ZNF517: variants seen among roughly 807,000 people sequenced by gnomAD.
ZNF517 encodes zinc finger protein 517.
A neutral mutation model predicts 12.1 loss-of-function variants in ZNF517; 12 were observed. The observed-to-expected ratio is 0.99, with a 90% CI of 0.63 to 1.61. The LOEUF is 1.61. Ranked by LOEUF, ZNF517 falls within the 40% of genes most tolerant of loss-of-function variation. The probability of loss-of-function intolerance (pLI) is 0.00; values close to 1 mark genes in which losing one functional copy is unlikely to be tolerated. For synonymous variants in ZNF517, 388 were observed against 310.2 expected, an observed-to-expected ratio of 1.25 and a Z score of -2.63; for missense variants, 781 against 693.2, an observed-to-expected ratio of 1.13 and a Z score of -1.42.
intron 1 of ZNF517, among the ~76,000 whole-genome samples, chr8:144,802,240 T>A (rs1055337229): frequency 6.6e-6 from 1 of 152,204 alleles, no homozygotes; most frequent in Non-Finnish European, 1.5e-5. Context: ...TAATGAGCAA[T>A]GTTGCCCAGG....
chr8:144,805,855 T>C (rs1412920454), intron 4 of ZNF517, among the ~76,000 whole-genome samples: 3 of 151,286 alleles, frequency 2.0e-5, no homozygotes, highest in Non-Finnish European at 2.9e-5. Flanking sequence ...CTCCTGACCT[T>C]GTGATCCGCC....
At position 144,809,095 on chromosome 8, in the gene ZNF517, A is replaced by G. The variant is rs1335211033; in HGVS notation, c.*700A>G. ...TGGGAAGTCAAGGCTGCAGTGAGCT[A>G]TGATAGCACCACGGCACTCCAACCT... On this transcript the variant is annotated 3_prime_UTR_variant, in exon 5 of 5. Transcript: ENST00000359971. 6.6e-6 allele frequency: 1 copy of G among 152,218 alleles called. No individual in the cohort carries two copies. Among genetic ancestry groups the G allele is most frequent in the Non-Finnish European group, 1.5e-5 (1 of 68,152 alleles). The allele number at this position is 152,218 out of a possible 1,614,324, so 9.4% of individuals were successfully genotyped here. A position where few individuals can be genotyped will look rare whatever the true frequency, so the allele number is the denominator to read the frequency against.
intron 4 of ZNF517, among the ~76,000 whole-genome samples, chr8:144,804,650 G>A (rs1031909412): frequency 3.3e-5 from 5 of 152,140 alleles, no homozygotes; most frequent in African/African-American, 9.7e-5. Context: ...CATGGAGACT[G>A]GTAGTGGTCC....
rs1276732026 is a variant in ZNF517, at chr8:144,807,849, C to A, written c.933C>A (p.His311Gln). The A allele has an allele frequency of 1.3e-5, 21 of 1,593,368 alleles. No homozygotes were observed. The highest frequency in any genetic ancestry group is 1.8e-5 in the Non-Finnish European group (21 of 1,170,342). ...RFTLNEHGRI[H>Q]SGERPYRCLR... The stretch of plus-strand genomic sequence containing the variant: ...CCCTCAACGAGCACGGCCGCATCCA[C>A]AGCGGGGAGCGGCCCTACCGGTGCC... The change falls in exon 5 of 5, where the codon CAC becomes CAA. Residue 311 changes from histidine to glutamine, a missense_variant. Physicochemically the swap from His to Gln is conservative, Grantham distance 24. Coordinates refer to ENST00000359971, the MANE Select transcript of ZNF517 (RefSeq NM_213605.3).
At chr8:144,804,545 C>T (rs979522634) in intron 4 of ZNF517, among the ~76,000 whole-genome samples, 4 of 152,004 alleles carry the variant, frequency 2.6e-5, no homozygotes, top group Non-Finnish European at 5.9e-5. Flanking sequence ...GGTTTTTCTC[C>T]TCATGTGCAG....
Position 144,807,773 on chromosome 8 carries a change from A to G in ZNF517, c.857A>G (p.Glu286Gly), listed in dbSNP as rs772089557. 1 of 1,611,684 alleles carries G rather than the reference A, an allele frequency of 6.2e-7. No individual in the cohort carries two copies. Among genetic ancestry groups the G allele is most frequent in the South Asian group, 1.1e-5 (1 of 91,022 alleles). The change falls in exon 5 of 5, where the codon GAG becomes GGG. Residue 286 changes from glutamate to glycine, a missense_variant. Physicochemically the swap from Glu to Gly is moderately conservative, Grantham distance 98. Transcript: ENST00000359971. ...CAGCACCAGAAGTTCCACACCGGGG[A>G]GAAGCCCTTCGCGTGCACAGAGTGC... is the stretch of plus-strand genomic sequence containing the variant. ...LLQHQKFHTG[E>G]KPFACTECGK...
chr8:144,808,026 C>T lies in ZNF517; in HGVS notation c.1110C>T (p.Cys370=), dbSNP rs1410289389. 1 of 1,592,172 alleles carries T rather than the reference C, an allele frequency of 6.3e-7. No homozygotes were observed. Among genetic ancestry groups the T allele is most frequent in the Non-Finnish European group, 8.5e-7 (1 of 1,169,628 alleles). The change falls in exon 5 of 5, where the codon TGC becomes TGT. Residue 370 remains cysteine (C), a synonymous_variant. Transcript: ENST00000359971. Reference sequence around the variant, plus strand: ...AGGCGGGGGACCCGCCCCACGAGTGCCCGGTGTGCGGGAGGCCGTTCCGAC... The same window carrying T: ...AGGCGGGGGACCCGCCCCACGAGTGTCCGGTGTGCGGGAGGCCGTTCCGAC... ...RPQAGDPPHE[C]PVCGRPFRHN... is the part of the protein sequence containing the mutation.
chr8:144,804,237 A>C lies in ZNF517; in HGVS notation c.273A>C (p.Thr91=). Residue 91 remains threonine, a splice_region_variant and synonymous_variant, in exon 4 of 5, where the codon ACA becomes ACC. Coordinates refer to ENST00000359971, the MANE Select transcript of ZNF517 (RefSeq NM_213605.3). ...EQSVAKASLC[T]DSRMEAGIME... ...GCGTGGCCAAAGCCAGCCTGTGCACAGGTGAGTACAAAGCACCCACAGGGC... is the reference window on the plus strand; with the variant it reads ...GCGTGGCCAAAGCCAGCCTGTGCACCGGTGAGTACAAAGCACCCACAGGGC... The C allele has an allele frequency of 6.2e-7, 1 of 1,612,676 alleles. No individual in the cohort carries two copies. The highest frequency in any genetic ancestry group is 8.5e-7 in the Non-Finnish European group (1 of 1,179,354).
intron 2 of ZNF517, 183 bp from the exon 3 acceptor site, chr8:144,803,458 G>C: frequency 1.4e-6 from 1 of 706,810 alleles, no homozygotes; most frequent in Non-Finnish European, 2.3e-6. Context: ...CCTCTCTGGG[G>C]CTTCTGCTGA....
downstream of ZNF517, among the ~76,000 whole-genome samples, chr8:144,813,414 C>T (rs375367237): frequency 1.3e-5 from 2 of 150,632 alleles, no homozygotes; most frequent in East Asian, 3.9e-4. Context: ...ACACACAAAA[C>T]GGAAAGTCAT....
At position 144,800,713 on chromosome 8, in the gene ZNF517, G is replaced by T. The variant is rs1019603939; in HGVS notation, c.-46+1776G>T. ...TGCAGTCTGTGCCCTCTGTGCAGGG[G>T]TGATTCACGAATCTGTCTGATCCAC... On this transcript the variant is annotated intron_variant, in intron 1 of 4. Transcript: ENST00000359971. 6 of 984,724 alleles carry T rather than the reference G, an allele frequency of 6.1e-6. No individual in the cohort carries two copies. In the South Asian group the frequency reaches 1.4e-4, roughly 23 times the overall value. 61.0% of individuals were successfully genotyped at this position (984,724 alleles called of 1,614,324 possible).
chr8:144,799,675 T>C (rs962386252), intron 1 of ZNF517, among the ~76,000 whole-genome samples: 3 of 152,204 alleles, frequency 2.0e-5, no homozygotes, highest in Non-Finnish European at 4.4e-5. Flanking sequence ...GCGCAATGGC[T>C]CACGCCTGTA....
chr8:144,810,472 C>T (rs975340493), downstream of ZNF517: 4 of 405,174 alleles, frequency 9.9e-6, no homozygotes, highest in Non-Finnish European at 1.8e-5. Flanking sequence ...CTCCAGAGAA[C>T]AAGAATCCTG....
chr8:144,804,294 C>G (rs969692798), intron 4 of ZNF517, 56 bp downstream of exon 4: 2 of 1,406,940 alleles, frequency 1.4e-6, no homozygotes, highest in East Asian at 2.4e-5. Flanking sequence ...GCCTGGCCTC[C>G]GGGCAGCTCT....
chr8:144,803,670 G>A lies in ZNF517; in HGVS notation c.63G>A (p.Val21=). The part of the protein sequence containing the change: ...QEAVVFEDVA[V]YFTRIEWSCL... ...CGGTTGTGTTCGAGGATGTGGCTGT[G>A]TACTTCACAAGGATAGAGTGGAGTT... is the stretch of plus-strand genomic sequence containing the variant. The change falls in exon 3 of 5, where the codon GTG becomes GTA. Residue 21 remains valine (V), a synonymous_variant. Coordinates refer to ENST00000359971, the MANE Select transcript of ZNF517 (RefSeq NM_213605.3). 4 of 1,614,178 alleles carry A rather than the reference G, an allele frequency of 2.5e-6. No homozygotes were observed. Among genetic ancestry groups the A allele is most frequent in the East Asian group, 4.5e-5 (2 of 44,884 alleles).
chr8:144,808,953 G>A lies in ZNF517; in HGVS notation c.*558G>A, dbSNP rs913791498. The A allele has an allele frequency of 5.9e-5, 9 of 152,184 alleles. No individual in the cohort carries two copies. The highest frequency in any genetic ancestry group is 2.2e-4 in the African/African-American group (9 of 41,410). The allele number at this position is 152,184 out of a possible 1,614,324, so 9.4% of individuals were successfully genotyped here. A position where few individuals can be genotyped will look rare whatever the true frequency, so the allele number is the denominator to read the frequency against. Reference sequence around the variant, plus strand: ...GCCCAGGAGTTTGAGACCAGCTTGGGCAACATGGTGAAACTTCTCTACAAA... The same window carrying A: ...GCCCAGGAGTTTGAGACCAGCTTGGACAACATGGTGAAACTTCTCTACAAA... On this transcript the variant is annotated 3_prime_UTR_variant, in exon 5 of 5. Coordinates refer to ENST00000359971, the MANE Select transcript of ZNF517 (RefSeq NM_213605.3).
chr8:144,809,910 G>T lies in ZNF517; in HGVS notation c.*1515G>T. The T allele has an allele frequency of 5.2e-6, 2 of 381,116 alleles. No individual in the cohort carries two copies. Among genetic ancestry groups the T allele is most frequent in the Non-Finnish European group, 9.4e-6 (2 of 212,198 alleles). 23.6% of individuals were successfully genotyped at this position (381,116 alleles called of 1,614,324 possible). On this transcript the variant is annotated 3_prime_UTR_variant, in exon 5 of 5. Coordinates refer to ENST00000359971, the MANE Select transcript of ZNF517 (RefSeq NM_213605.3). ...TCTACTAAAAGTACAAAAAGTAGCT[G>T]GGTGTGGTGCTGGGTGCCTGTAATC...
rs760404073 is a variant in ZNF517 at position 144,802,839 on chromosome 8, T to C, written c.-45-31T>C. ...GGGCTGGAGGGCCTTAGGCCTGGGC[T>C]CTTTCCACTCATGGCTCTATGTTCC... On this transcript the variant is annotated intron_variant, in intron 1 of 4. Transcript: ENST00000359971. 3.5e-5 allele frequency: 56 copies of C among 1,611,856 alleles called. No homozygotes were observed. In the South Asian group the frequency reaches 5.9e-4, roughly 17 times the overall value.
Position 144,804,093 on chromosome 8 carries a change from T to C in ZNF517, c.161-32T>C, listed in dbSNP as rs370673223. On this transcript the variant is annotated intron_variant, in intron 3 of 4. Coordinates refer to ENST00000359971, the MANE Select transcript of ZNF517 (RefSeq NM_213605.3). The stretch of plus-strand genomic sequence containing the variant: ...TGGGCGTCCCTTCTCCCTCCTGTAC[T>C]GATACGTGCTGCTTTCCTTCTCTGA... 845 of 1,605,338 alleles carry C rather than the reference T, an allele frequency of 5.3e-4. 1 individual carries two copies. The highest frequency in any genetic ancestry group is 6.8e-4 in the Non-Finnish European group (792 of 1,173,082).
Sources: allele counts gnomAD v4.1 joint callset (sites outside exome capture counted in the v4.1 genomes callset), GRCh38; gene constraint gnomAD v4.1.1; transcripts MANE v1.5; gene names NCBI Gene and HGNC (gene_info 2026-07-23, HGNC 2026-07-21).